TMTC2: variants seen among roughly 807,000 people sequenced by gnomAD.
The protein encoded by TMTC2 is protein O-mannosyl-transferase TMTC2.
In TMTC2, 43 loss-of-function variants were observed where a neutral mutation model predicts 82.4. That is an observed-to-expected ratio of 0.52 (90% confidence interval 0.41 to 0.67). The LOEUF (loss-of-function observed/expected upper bound fraction) is 0.67, where lower values mean the gene tolerates loss of function less well. Among genes scored for constraint, TMTC2 ranks in the 30% least tolerant of loss-of-function variants. The pLI is 0.00. For synonymous variants in TMTC2, 408 were observed against 381.9 expected (o/e 1.07, Z -0.80); for missense variants, 919 against 1,012.4 (o/e 0.91, Z 1.25).
At chr12:83,079,207 A>C (rs562060237) in intron 11 of TMTC2, among the ~76,000 whole-genome samples, 2 of 152,116 alleles carry the variant, frequency 1.3e-5, no homozygotes, top group East Asian at 3.9e-4. Flanking sequence ...ATCATTATCT[A>C]CTTAAGTGTT....
rs1392366154 is a variant in TMTC2 at position 82,975,882 on chromosome 12, G to GT, written c.1948+8886dup. On this transcript the variant is annotated intron_variant, in intron 7 of 11. Transcript: ENST00000321196. Reference sequence around the variant, plus strand: ...CATGCATTCTTTTTTCCTTTCTCTGGTATAAACTTTTTTTTAAAAAAAAAA... The same window carrying GT: ...CATGCATTCTTTTTTCCTTTCTCTGGTTATAAACTTTTTTTTAAAAAAAAAA... Among the ~76,000 whole-genome samples, 4 of 78,466 alleles carry GT rather than the reference G, an allele frequency of 5.1e-5. No individual in the cohort carries two copies. The Admixed American group carries it at 5.4e-4, about 11-fold the overall frequency. The allele number at this position is 78,466 out of a possible 152,430, so 51.5% of individuals were successfully genotyped here.
At chr12:82,955,069 T>G (rs897146390) in intron 4 of TMTC2, among the ~76,000 whole-genome samples, 1 of 152,174 alleles carries the variant, frequency 6.6e-6, no homozygotes, top group African/African-American at 2.4e-5. Context: ...TTAGTTGATA[T>G]GAAATTCTAA....
chr12:82,970,718 A>G (rs1242198579), intron 7 of TMTC2, among the ~76,000 whole-genome samples: 1 of 152,210 alleles, frequency 6.6e-6, no homozygotes, highest in Non-Finnish European at 1.5e-5. Context: ...TACTTCATAG[A>G]CAAGATTTTT....
intron 11 of TMTC2, among the ~76,000 whole-genome samples, chr12:83,122,525 C>CAGGGCTGTATTGAAATACACAG: frequency 6.6e-6 from 1 of 152,124 alleles, no homozygotes; most frequent in Non-Finnish European, 1.5e-5. Context: ...CTGTATTTCA[C>CAGGGCTGTATTGAAATACACAG]TCAGCTGTCT....
chr12:82,780,826 G>T (rs536328686), intron 1 of TMTC2, among the ~76,000 whole-genome samples: 44 of 138,810 alleles, frequency 3.2e-4, no homozygotes, highest in African/African-American at 1.2e-3. Context: ...TTTTAATTTG[G>T]CTTAATGAGC....
intron 8 of TMTC2, among the ~76,000 whole-genome samples, chr12:83,006,409 T>A (rs1880207753): frequency 6.6e-6 from 1 of 152,218 alleles, no homozygotes; most frequent in South Asian, 2.1e-4. Flanking sequence ...ATTTCTTTGC[T>A]ATCAGTTGTA....
At chr12:82,972,342 T>C (rs928342047) in intron 7 of TMTC2, among the ~76,000 whole-genome samples, 1 of 152,160 alleles carries the variant, frequency 6.6e-6, no homozygotes, top group African/African-American at 2.4e-5. Context: ...GAAAATGTAT[T>C]TTCCTCCATC....
chr12:82,878,786 C>A (rs1051423181), intron 2 of TMTC2, among the ~76,000 whole-genome samples: 1 of 152,010 alleles, frequency 6.6e-6, no homozygotes, highest in Admixed American at 6.6e-5. Flanking sequence ...TCTTATGGTC[C>A]CAGTTACTCG....
chr12:83,019,630 C>A (rs1004710735), intron 8 of TMTC2, among the ~76,000 whole-genome samples: 1 of 152,126 alleles, frequency 6.6e-6, no homozygotes, highest in African/African-American at 2.4e-5. Context: ...TATTTACTAT[C>A]TTCTCTTCGG....
At chr12:82,977,717 C>T (rs537205046) in intron 7 of TMTC2, among the ~76,000 whole-genome samples, 1 of 151,510 alleles carries the variant, frequency 6.6e-6, no homozygotes, top group Admixed American at 6.6e-5. Flanking sequence ...AAAGATAGTC[C>T]AAGAATTCTC....
chr12:82,770,488 C>T (rs899160242), intron 1 of TMTC2, among the ~76,000 whole-genome samples: 15 of 151,588 alleles, frequency 9.9e-5, no homozygotes, highest in South Asian at 2.1e-4. Context: ...TAAGAAGATG[C>T]GTTGATTCTC....
At chr12:82,971,307 C>T (rs1382428868) in intron 7 of TMTC2, among the ~76,000 whole-genome samples, 1 of 151,984 alleles carries the variant, frequency 6.6e-6, no homozygotes, top group East Asian at 1.9e-4. Context: ...TTCCTTTGCA[C>T]TTAAAAATTA....
At chr12:82,755,650 TAG>T (rs1876269347) in intron 1 of TMTC2, among the ~76,000 whole-genome samples, 1 of 152,208 alleles carries the variant, frequency 6.6e-6, no homozygotes, top group South Asian at 2.1e-4. Flanking sequence ...CCTGAGGACC[TAG>T]TCTGAATACC....
intron 1 of TMTC2, among the ~76,000 whole-genome samples, chr12:82,735,565 T>C (rs894907308): frequency 5.9e-5 from 9 of 152,044 alleles, no homozygotes; most frequent in South Asian, 4.2e-4. Context: ...CAGGATGGTC[T>C]CGATCTCCTG....
At chr12:82,958,771 TA>T (rs146670485) in intron 4 of TMTC2, among the ~76,000 whole-genome samples, 2,279 of 151,950 alleles carry the variant, frequency 0.015, 58 homozygotes, top group African/African-American at 0.052. Flanking sequence ...AGAACTGGAA[TA>T]AGAAAAGATG....
At chr12:82,939,134 G>A (rs924531257) in intron 4 of TMTC2, among the ~76,000 whole-genome samples, 1 of 152,022 alleles carries the variant, frequency 6.6e-6, no homozygotes, top group African/African-American at 2.4e-5. Flanking sequence ...AATTACAAGT[G>A]CAGTTGAGTA....
At chr12:82,907,757 G>A (rs1874401419) in intron 3 of TMTC2, among the ~76,000 whole-genome samples, 2 of 152,054 alleles carry the variant, frequency 1.3e-5, no homozygotes, top group African/African-American at 2.4e-5. Context: ...TAAAATACTT[G>A]AGACTAGCAT....
At chr12:82,759,987 T>A (rs2136978062) in intron 1 of TMTC2, 1 of 152,334 alleles carries the variant, frequency 6.6e-6, no homozygotes, top group African/African-American at 2.4e-5. Flanking sequence ...GTACCGTGTA[T>A]CTCAAATTGT....
intron 1 of TMTC2, among the ~76,000 whole-genome samples, chr12:82,791,529 C>G (rs767681752): frequency 2.8e-4 from 43 of 152,056 alleles, no homozygotes; most frequent in Non-Finnish European, 4.9e-4. Flanking sequence ...CTGATAAATA[C>G]CAACTTCAGA....
Sources: gnomAD v4.1 joint callset for allele counts (sites outside exome capture counted in the v4.1 genomes callset) on GRCh38, gnomAD v4.1.1 for gene constraint, MANE v1.5 for transcripts, NCBI Gene and HGNC (gene_info 2026-07-23, HGNC 2026-07-21) for gene names.